Variants in DENND4A observed in about 807,000 individuals in gnomAD.
The protein encoded by DENND4A is C-myc promoter-binding protein.
Under a neutral mutation model 199.3 loss-of-function variants are expected in DENND4A, and 70 were observed. The observed-to-expected ratio is 0.35, with a 90% CI of 0.29 to 0.43. DENND4A has a LOEUF of 0.43. Among genes scored for constraint, DENND4A ranks in the 20% least tolerant of loss-of-function variants. The pLI is 1.00. For synonymous variants in DENND4A, 686 were observed against 766.9 expected, an observed-to-expected ratio of 0.89 and a Z score of 1.74; for missense variants, 1,723 against 2,255.8, an observed-to-expected ratio of 0.76 and a Z score of 4.78.
chr15:65,673,377 G>A (rs1315507488), intron 24 of DENND4A, among the ~76,000 whole-genome samples: 1 of 151,688 alleles, frequency 6.6e-6, no homozygotes, highest in African/African-American at 2.4e-5. Context: ...AAGCTGAGGT[G>A]GGATGATCAC....
intron 4 of DENND4A, among the ~76,000 whole-genome samples, chr15:65,743,401 A>C (rs778925709): frequency 6.6e-6 from 1 of 152,178 alleles, no homozygotes; most frequent in Non-Finnish European, 1.5e-5. Flanking sequence ...CCTATATTTC[A>C]AACATTCTTT....
At chr15:65,712,185 G>C (rs962604219) in intron 14 of DENND4A, among the ~76,000 whole-genome samples, 3 of 152,180 alleles carry the variant, frequency 2.0e-5, no homozygotes, top group Admixed American at 6.5e-5. Context: ...GCACCAGAAA[G>C]AGTATTTCTC....
chr15:65,706,446 T>C (rs1354781572), intron 14 of DENND4A, among the ~76,000 whole-genome samples: 1 of 94,682 alleles, frequency 1.1e-5, no homozygotes, highest in African/African-American at 4.2e-5. Flanking sequence ...AAGGGGAAAA[T>C]AACACACACA....
At chr15:65,777,277 G>A (rs529812589) in intron 1 of DENND4A, among the ~76,000 whole-genome samples, 23 of 152,230 alleles carry the variant, frequency 1.5e-4, no homozygotes, top group African/African-American at 5.5e-4. Flanking sequence ...CGGGTACTGT[G>A]AAAACTCCAG....
intron 1 of DENND4A, among the ~76,000 whole-genome samples, chr15:65,775,637 C>CAAAAA (rs59714693): frequency 7.2e-5 from 2 of 27,678 alleles, no homozygotes; most frequent in African/African-American, 1.3e-4. Context: ...CAAGACTCCT[C>CAAAAA]AAAAAAAAAA....
chr15:65,754,469 G>C (rs1293313192), intron 3 of DENND4A, among the ~76,000 whole-genome samples: 1 of 152,142 alleles, frequency 6.6e-6, no homozygotes. Context: ...GGCTTCAAAG[G>C]ATTCCATAAA....
chr15:65,728,915 CATA>C (rs762727126), intron 11 of DENND4A, 154 bp downstream of exon 11: 23 of 738,968 alleles, frequency 3.1e-5, no homozygotes, highest in Admixed American at 1.0e-4. Flanking sequence ...TCCATTGACG[CATA>C]ATAAGGTCTG....
chr15:65,704,539 T>C (rs568248598), intron 15 of DENND4A, among the ~76,000 whole-genome samples: 3 of 151,744 alleles, frequency 2.0e-5, no homozygotes, highest in African/African-American at 7.3e-5. Context: ...CGCCCAGCTA[T>C]TTTTAAAAAA....
intron 25 of DENND4A, among the ~76,000 whole-genome samples, chr15:65,670,944 C>T (rs904515988): frequency 2.6e-5 from 4 of 152,042 alleles, no homozygotes; most frequent in Non-Finnish European, 4.4e-5. Context: ...GCAATTTTTA[C>T]AGAAAAATTA....
chr15:65,769,000 A>G (rs2077056426), intron 1 of DENND4A, among the ~76,000 whole-genome samples: 1 of 151,800 alleles, frequency 6.6e-6, no homozygotes, highest in Non-Finnish European at 1.5e-5. Context: ...GTCTCAAAAA[A>G]AACCAAAAAA....
chr15:65,782,762 C>T (rs978962803), intron 1 of DENND4A, among the ~76,000 whole-genome samples: 1 of 152,106 alleles, frequency 6.6e-6, no homozygotes, highest in Non-Finnish European at 1.5e-5. Flanking sequence ...AATACAGGTA[C>T]ATTTTAAGCT....
intron 22 of DENND4A, among the ~76,000 whole-genome samples, chr15:65,694,568 C>A (rs995264035): frequency 1.3e-5 from 2 of 152,040 alleles, no homozygotes; most frequent in Admixed American, 6.5e-5. Flanking sequence ...CAAACACACA[C>A]AAACACACAA....
chr15:65,759,015 C>T (rs866084007), intron 2 of DENND4A, among the ~76,000 whole-genome samples: 4 of 152,278 alleles, frequency 2.6e-5, no homozygotes, highest in African/African-American at 7.2e-5. Flanking sequence ...GACATTCTTA[C>T]GTAGTATATA....
At chr15:65,743,361 C>T (rs1171183416) in intron 4 of DENND4A, among the ~76,000 whole-genome samples, 1 of 152,104 alleles carries the variant, frequency 6.6e-6, no homozygotes, top group Non-Finnish European at 1.5e-5. Flanking sequence ...AGGAATGGTC[C>T]CTCCTTGAGG....
chr15:65,684,426 G>C (rs1272662347), intron 23 of DENND4A, among the ~76,000 whole-genome samples: 1 of 152,204 alleles, frequency 6.6e-6, no homozygotes, highest in African/African-American at 2.4e-5. Flanking sequence ...TGTGAAATGG[G>C]ATTTCACTGT....
chr15:65,702,301 T>C lies in DENND4A; in HGVS notation c.2430+4A>G. The C allele has an allele frequency of 6.5e-7, 1 of 1,548,520 alleles. No homozygotes were observed. The highest frequency in any genetic ancestry group is 8.7e-7 in the Non-Finnish European group (1 of 1,144,178). On this transcript the variant is annotated splice_donor_region_variant and intron_variant, in intron 17 of 32. Coordinates refer to ENST00000443035, the MANE Select transcript of DENND4A (RefSeq NM_001320835.1). ...TAAAATAACAACAATAAAATAATTG[T>C]TACCTCATCAGGTGGATCCATCTTC...
chr15:65,681,101 T>C (rs905353513), intron 23 of DENND4A: 1 of 152,248 alleles, frequency 6.6e-6, no homozygotes, highest in Non-Finnish European at 1.5e-5. Context: ...TGCTCATCCA[T>C]TAGAAGCAAC....
chr15:65,674,602 G>C (rs1007655155), intron 24 of DENND4A, among the ~76,000 whole-genome samples: 1 of 151,982 alleles, frequency 6.6e-6, no homozygotes, highest in Non-Finnish European at 1.5e-5. Flanking sequence ...AAAAATAGCC[G>C]GGTGTGCTGG....
At chr15:65,716,411 A>T (rs2075403623) in intron 13 of DENND4A, among the ~76,000 whole-genome samples, 1 of 101,348 alleles carries the variant, frequency 9.9e-6, no homozygotes, top group African/African-American at 3.9e-5. Flanking sequence ...CCACCCCACA[A>T]CAGTCCCCAG....
Sources: allele counts gnomAD v4.1 joint callset (sites outside exome capture counted in the v4.1 genomes callset), GRCh38; gene constraint gnomAD v4.1.1; transcripts MANE v1.5; gene names NCBI Gene and HGNC (gene_info 2026-07-23, HGNC 2026-07-21).